OPCML: variants seen among roughly 807,000 people sequenced by gnomAD.
OPCML encodes opioid binding protein/cell adhesion molecule like, also known as opioid-binding protein/cell adhesion molecule.
Under a neutral mutation model 37.8 loss-of-function variants are expected in OPCML, and 13 were observed. The ratio of observed to expected loss-of-function variants is 0.34; its 90% CI spans 0.22 to 0.55. The LOEUF (loss-of-function observed/expected upper bound fraction) is 0.55, where lower values mean the gene tolerates loss of function less well. Among genes scored for constraint, OPCML ranks in the 20% least tolerant of loss-of-function variants. The pLI is 0.91. For synonymous variants in OPCML, 176 were observed against 168.8 expected (o/e 1.04, Z -0.33); for missense variants, 341 against 435.6 (o/e 0.78, Z 1.93).
At chr11:133,275,932 CTG>C (rs1246406341) in intron 1 of OPCML, among the ~76,000 whole-genome samples, 1 of 152,170 alleles carries the variant, frequency 6.6e-6, no homozygotes, top group African/African-American at 2.4e-5. Flanking sequence ...TCATCAATGA[CTG>C]AATGTATTCA....
intron 1 of OPCML, among the ~76,000 whole-genome samples, chr11:133,091,295 C>A (rs1040101219): frequency 6.6e-6 from 1 of 152,214 alleles, no homozygotes; most frequent in South Asian, 2.1e-4. Flanking sequence ...AGGGCCCAGG[C>A]AGAAAACTTC....
chr11:132,795,391 A>G (rs1382814520), intron 2 of OPCML, among the ~76,000 whole-genome samples: 1 of 152,248 alleles, frequency 6.6e-6, no homozygotes, highest in African/African-American at 2.4e-5. Flanking sequence ...TTCAAAGAGT[A>G]TAAAATACAA....
chr11:133,448,848 G>C (rs1177061921), intron 1 of OPCML, among the ~76,000 whole-genome samples: 1 of 152,140 alleles, frequency 6.6e-6, no homozygotes. Flanking sequence ...CATATATTTT[G>C]TATACACAAT....
At chr11:133,501,722 G>A (rs2120544220) in intron 1 of OPCML, among the ~76,000 whole-genome samples, 1 of 145,860 alleles carries the variant, frequency 6.9e-6, no homozygotes, top group South Asian at 2.1e-4. Flanking sequence ...CCTGAGCCAG[G>A]TAGTGACCAA....
At chr11:133,442,725 A>ATG (rs1286173805) in intron 1 of OPCML, among the ~76,000 whole-genome samples, 2 of 94,280 alleles carry the variant, frequency 2.1e-5, no homozygotes, top group Non-Finnish European at 4.3e-5. Context: ...ACATATTTAA[A>ATG]CGTGTGTGTG....
At chr11:133,209,733 G>A (rs1329770220) in intron 1 of OPCML, among the ~76,000 whole-genome samples, 1 of 152,180 alleles carries the variant, frequency 6.6e-6, no homozygotes, top group East Asian at 1.9e-4. Context: ...ATGAATGAAT[G>A]AATAAACTAG....
intron 4 of OPCML, among the ~76,000 whole-genome samples, chr11:132,518,578 G>T (rs1173768669): frequency 6.6e-6 from 1 of 152,160 alleles, no homozygotes; most frequent in African/African-American, 2.4e-5. Context: ...ACTCAGCCCA[G>T]CCTCAATACA....
At chr11:133,372,690 G>A (rs1416502730) in intron 1 of OPCML, among the ~76,000 whole-genome samples, 2 of 152,114 alleles carry the variant, frequency 1.3e-5, no homozygotes, top group Admixed American at 6.5e-5. Flanking sequence ...ATTATATTAG[G>A]TTAACCTTGA....
chr11:133,321,259 T>C (rs557700376), intron 1 of OPCML, among the ~76,000 whole-genome samples: 6 of 152,240 alleles, frequency 3.9e-5, no homozygotes, highest in Non-Finnish European at 7.4e-5. Flanking sequence ...CTGGACAGAG[T>C]AAGATTCTGC....
chr11:132,734,711 G>A (rs1945193150), intron 2 of OPCML, among the ~76,000 whole-genome samples: 1 of 152,200 alleles, frequency 6.6e-6, no homozygotes, highest in Non-Finnish European at 1.5e-5. Flanking sequence ...ATAGCAATAA[G>A]TAATTAATAC....
At chr11:133,112,834 C>T (rs1019765774) in intron 1 of OPCML, among the ~76,000 whole-genome samples, 4 of 152,138 alleles carry the variant, frequency 2.6e-5, no homozygotes, top group Non-Finnish European at 5.9e-5. Context: ...AACTCTTAAT[C>T]GCACAAGCTC....
At position 132,657,227 on chromosome 11, in the gene OPCML, C is replaced by T. The variant is rs1169390575; in HGVS notation, c.239G>A (p.Arg80His). 1.9e-6 allele frequency: 3 copies of T among 1,614,246 alleles called. No homozygotes were observed. The highest frequency in any genetic ancestry group is 2.5e-6 in the Non-Finnish European group (3 of 1,180,048). Residue 80 changes from arginine (R) to histidine (H), a missense_variant, in exon 3 of 8, where the codon CGT becomes CAT. Arg to His is a conservative substitution (Grantham distance 29). Coordinates refer to ENST00000524381, the MANE Select transcript of OPCML (RefSeq NM_001012393.5). The part of the protein sequence containing the change: ...AGNDKWSIDP[R>H]VIILVNTPTQ... Reference sequence around the variant, plus strand: ...TGGTGTATTGACCAGGATGATCACACGAGGGTCTATGGACCACTTGTCATT... The same window carrying T: ...TGGTGTATTGACCAGGATGATCACATGAGGGTCTATGGACCACTTGTCATT...
intron 2 of OPCML, among the ~76,000 whole-genome samples, chr11:132,771,313 GA>G (rs1946627883): frequency 6.6e-6 from 1 of 152,116 alleles, no homozygotes; most frequent in Admixed American, 6.5e-5. Context: ...GCACGATGGG[GA>G]TTCAATAAAC....
chr11:133,263,018 A>G lies in OPCML; in HGVS notation c.61+269246T>C, dbSNP rs1241600425. Among the ~76,000 whole-genome samples the G allele has an allele frequency of 2.0e-5, 3 of 151,748 alleles. No homozygotes were observed. The East Asian group carries it at 5.9e-4, about 30-fold the overall frequency. On this transcript the variant is annotated intron_variant, in intron 1 of 7. Transcript: ENST00000524381. ...CCCCACTTAACCTTATCCCAAACCAATAATGCAAGCAGAAGAGTGGTCATG... is the reference window on the plus strand; with the variant it reads ...CCCCACTTAACCTTATCCCAAACCAGTAATGCAAGCAGAAGAGTGGTCATG...
intron 1 of OPCML, among the ~76,000 whole-genome samples, chr11:133,068,505 C>T (rs1217174415): frequency 6.6e-6 from 1 of 152,196 alleles, no homozygotes; most frequent in Non-Finnish European, 1.5e-5. Context: ...TCTGTTCTCT[C>T]ATCGCTCCCC....
At chr11:132,750,794 C>G (rs1269586191) in intron 2 of OPCML, among the ~76,000 whole-genome samples, 1 of 144,234 alleles carries the variant, frequency 6.9e-6, no homozygotes, top group African/African-American at 2.5e-5. Flanking sequence ...TAAAGAAAAC[C>G]TTTTTTTTTT....
intron 1 of OPCML, among the ~76,000 whole-genome samples, chr11:133,498,662 C>A (rs1424944967): frequency 1.3e-5 from 2 of 152,322 alleles, no homozygotes; most frequent in East Asian, 3.9e-4. Context: ...CACATAGATG[C>A]AGGCCTTATT....
chr11:132,712,716 C>T (rs1343124436), intron 2 of OPCML, among the ~76,000 whole-genome samples: 1 of 152,176 alleles, frequency 6.6e-6, no homozygotes, highest in Non-Finnish European at 1.5e-5. Flanking sequence ...AGCATGAAAT[C>T]GGACCCACCA....
chr11:133,326,679 G>A, intron 1 of OPCML, among the ~76,000 whole-genome samples: 1 of 136,922 alleles, frequency 7.3e-6, no homozygotes, highest in South Asian at 2.5e-4. Flanking sequence ...GTGGGGGTGG[G>A]GGTGTGAGTA....
Sources: allele counts gnomAD v4.1 joint callset (sites outside exome capture counted in the v4.1 genomes callset), GRCh38; gene constraint gnomAD v4.1.1; transcripts MANE v1.5; gene names NCBI Gene and HGNC (gene_info 2026-07-23, HGNC 2026-07-21).